Variants in SERPINB7 observed in about 807,000 individuals in gnomAD.
The protein encoded by SERPINB7 is serpin family B member 7.
Under a neutral mutation model 37.4 loss-of-function variants are expected in SERPINB7, and 31 were observed. That is an observed-to-expected ratio of 0.83 (90% CI 0.62 to 1.12). The LOEUF is 1.12. SERPINB7 is among the 50% of genes most tolerant of loss of function. SERPINB7 has a pLI of 0.00. For missense variants in SERPINB7, 521 were observed against 455.3 expected (o/e 1.14, Z -1.31); for synonymous variants, 163 against 166.1 (o/e 0.98, Z 0.14).
intron 1 of SERPINB7, among the ~76,000 whole-genome samples, chr18:63,765,837 G>A (rs1216383578): frequency 1.3e-5 from 2 of 152,092 alleles, no homozygotes; most frequent in East Asian, 1.9e-4. Context: ...TATAGCGTGT[G>A]TTTAATGTAT....
chr18:63,765,349 T>A (rs1165252531), intron 1 of SERPINB7, among the ~76,000 whole-genome samples: 1 of 152,198 alleles, frequency 6.6e-6, no homozygotes, highest in African/African-American at 2.4e-5. Flanking sequence ...ATTTTCTCCA[T>A]CTCTGATGGC....
At chr18:63,772,678 C>T (rs913611267), upstream of SERPINB7, among the ~76,000 whole-genome samples, 1 of 152,046 alleles carries the variant, frequency 6.6e-6, no homozygotes, top group Admixed American at 6.6e-5. Context: ...GAAAACCTCC[C>T]TGTGTTTGTT....
chr18:63,766,133 G>T (rs533491565), intron 1 of SERPINB7, among the ~76,000 whole-genome samples: 45 of 152,184 alleles, frequency 3.0e-4, no homozygotes, highest in Non-Finnish European at 6.6e-4. Flanking sequence ...AAGTTTCCTG[G>T]AAGCCATAGA....
chr18:63,804,645 T>G lies in SERPINB7; in HGVS notation c.*10T>G, dbSNP rs770517699. 2 of 1,595,884 alleles carry G rather than the reference T, an allele frequency of 1.3e-6. No homozygotes were observed. The highest frequency in any genetic ancestry group is 2.7e-5 in the African/African-American group (2 of 74,432). On this transcript the variant is annotated 3_prime_UTR_variant, in exon 8 of 8. Transcript: ENST00000398019. ...AGTTTCTTGCCCTTGAAAATCCAAT[T>G]GGTTTCTGTTATAGCAGTCCCCACA...
chr18:63,794,027 T>C (rs894793772), intron 4 of SERPINB7, among the ~76,000 whole-genome samples: 1 of 151,728 alleles, frequency 6.6e-6, no homozygotes, highest in Non-Finnish European at 1.5e-5. Flanking sequence ...CACTGCAACC[T>C]CTGCGTCTCG....
chr18:63,783,186 A>AAGAAAGAGAGAG (rs2049320533), intron 2 of SERPINB7, among the ~76,000 whole-genome samples: 1 of 75,226 alleles, frequency 1.3e-5, no homozygotes, highest in African/African-American at 6.0e-5. Flanking sequence ...GAAAGAAAGA[A>AAGAAAGAGAGAG]AGAGAGAGAG....
At chr18:63,791,006 G>T (rs2049421082) in intron 2 of SERPINB7, among the ~76,000 whole-genome samples, 1 of 152,292 alleles carries the variant, frequency 6.6e-6, no homozygotes, top group African/African-American at 2.4e-5. Context: ...GATGAAGCTG[G>T]AAACCATCAT....
At chr18:63,789,353 C>T (rs1179186024) in intron 2 of SERPINB7, among the ~76,000 whole-genome samples, 5 of 152,086 alleles carry the variant, frequency 3.3e-5, no homozygotes, top group Admixed American at 3.3e-4. Context: ...ATTTTGGGAG[C>T]CCTGAGAGAC....
chr18:63,777,617 T>C (rs1251025672), intron 1 of SERPINB7, among the ~76,000 whole-genome samples: 1 of 152,090 alleles, frequency 6.6e-6, no homozygotes, highest in Non-Finnish European at 1.5e-5. Context: ...GAATTAGAGC[T>C]ATAGCTAATA....
At chr18:63,764,844 A>G (rs2049172361) in intron 1 of SERPINB7, among the ~76,000 whole-genome samples, 1 of 152,148 alleles carries the variant, frequency 6.6e-6, no homozygotes, top group African/African-American at 2.4e-5. Context: ...TCTAAAGACT[A>G]CAGAAGGCAA....
chr18:63,789,883 T>C (rs1218328716), intron 2 of SERPINB7, among the ~76,000 whole-genome samples: 1 of 152,230 alleles, frequency 6.6e-6, no homozygotes, highest in Non-Finnish European at 1.5e-5. Context: ...AGTGACAGTT[T>C]ATCTAAAGAC....
At chr18:63,768,270 T>G (rs77317366) in intron 1 of SERPINB7, among the ~76,000 whole-genome samples, 30 of 152,210 alleles carry the variant, frequency 2.0e-4, no homozygotes, top group African/African-American at 6.7e-4. Flanking sequence ...TTCTTCATTT[T>G]TTTTTATTCT....
intron 7 of SERPINB7, among the ~76,000 whole-genome samples, chr18:63,801,795 C>A (rs1045267504): frequency 6.6e-6 from 1 of 152,076 alleles, no homozygotes; most frequent in Non-Finnish European, 1.5e-5. Flanking sequence ...GAAAAGACAT[C>A]TCAAAAGGCC....
intron 1 of SERPINB7, among the ~76,000 whole-genome samples, chr18:63,763,930 A>T (rs1389922750): frequency 6.6e-6 from 1 of 152,188 alleles, no homozygotes; most frequent in Admixed American, 6.5e-5. Flanking sequence ...CAGGCCAATG[A>T]ACCCAGAAAA....
At chr18:63,781,972 G>A (rs561729990) in intron 1 of SERPINB7, among the ~76,000 whole-genome samples, 2 of 152,290 alleles carry the variant, frequency 1.3e-5, no homozygotes, top group East Asian at 3.9e-4. Flanking sequence ...AATTACAGAT[G>A]GTTTAGAAAG....
At chr18:63,789,761 G>A (rs1175084111) in intron 2 of SERPINB7, among the ~76,000 whole-genome samples, 1 of 152,224 alleles carries the variant, frequency 6.6e-6, no homozygotes, top group African/African-American at 2.4e-5. Context: ...TCAAAATATA[G>A]TGAAAGGTTG....
intron 6 of SERPINB7, among the ~76,000 whole-genome samples, chr18:63,800,296 A>G (rs528292269): frequency 1.2e-4 from 18 of 152,140 alleles, no homozygotes; most frequent in Admixed American, 3.3e-4. Flanking sequence ...TCTTGGGCTC[A>G]AGTAGTCCTC....
intron 1 of SERPINB7, among the ~76,000 whole-genome samples, chr18:63,755,085 T>A (rs960192366): frequency 1.3e-5 from 2 of 151,818 alleles, no homozygotes; most frequent in Admixed American, 1.3e-4. Flanking sequence ...ATTTTTTTTT[T>A]AGTAGAGACG....
Position 63,796,323 on chromosome 18 carries a change from A to G in SERPINB7, c.394A>G (p.Thr132Ala). 1 of 1,613,532 alleles carries G rather than the reference A, an allele frequency of 6.2e-7. No individual in the cohort carries two copies. Among genetic ancestry groups the G allele is most frequent in the Non-Finnish European group, 8.5e-7 (1 of 1,179,556 alleles). Residue 132 changes from threonine to alanine, a missense_variant, in exon 5 of 8, where the codon ACG (threonine) becomes GCG (alanine). Coordinates refer to ENST00000398019, the MANE Select transcript of SERPINB7 (RefSeq NM_003784.4). ...TGCCAAAGTGGAGCGAGTTGACTTT[A>G]CGAATCATTTAGAAGACACTAGACG... ...YDAKVERVDF[T>A]NHLEDTRRNI... is the part of the protein sequence containing the mutation.
Sources: allele counts gnomAD v4.1 joint callset (sites outside exome capture counted in the v4.1 genomes callset), GRCh38; gene constraint gnomAD v4.1.1; transcripts MANE v1.5; gene names NCBI Gene and HGNC (gene_info 2026-07-23, HGNC 2026-07-21).